Variants in SCN9A observed in about 807,000 individuals in gnomAD.
SCN9A encodes sodium channel protein type 9 subunit alpha.
A neutral mutation model predicts 187.0 loss-of-function variants in SCN9A; 131 were observed. The ratio of observed to expected loss-of-function variants is 0.70; its 90% CI spans 0.61 to 0.81. The LOEUF (loss-of-function observed/expected upper bound fraction) is 0.81. SCN9A is among the 30% of genes least tolerant of loss of function. The pLI is 0.00. For synonymous variants in SCN9A, 809 were observed against 808.6 expected (o/e 1.00, Z -0.01); for missense variants, 2,252 against 2,396.6 (o/e 0.94, Z 1.26).
At chr2:166,368,971 G>A (rs1700486543) in intron 1 of SCN9A, among the ~76,000 whole-genome samples, 1 of 149,786 alleles carries the variant, frequency 6.7e-6, no homozygotes, top group Non-Finnish European at 1.5e-5. Context: ...TGGGCAACAA[G>A]AGTGAAACTC....
intron 24 of SCN9A, among the ~76,000 whole-genome samples, chr2:166,222,930 CAAAAAAAAAAACAACAAAAAAAAAAAA>C (rs1694660661): frequency 5.1e-5 from 1 of 19,538 alleles, no homozygotes; most frequent in African/African-American, 2.7e-4. Flanking sequence ...AACTCCGTCT[CAAAAAAAAAAACAACAAAAAAAAAAAA>C]AAAAAAAAAA....
chr2:166,302,939 A>G (rs906383849), intron 7 of SCN9A, 151 bp downstream of exon 7: 16 of 634,782 alleles, frequency 2.5e-5, no homozygotes, highest in African/African-American at 1.7e-4. Context: ...TGAAAATCAT[A>G]TATAACATGA....
chr2:166,253,940 G>A (rs1002561740), intron 17 of SCN9A, among the ~76,000 whole-genome samples: 1 of 151,720 alleles, frequency 6.6e-6, no homozygotes, highest in African/African-American at 2.4e-5. Flanking sequence ...GCAGAATTCT[G>A]ACTTTAGCTA....
At position 166,343,192 on chromosome 2, in the gene SCN9A, A is replaced by T. The variant is rs557732835; in HGVS notation, c.-50-31386T>A. On this transcript the variant is annotated intron_variant, in intron 1 of 26. Coordinates refer to ENST00000642356, the MANE Select transcript of SCN9A (RefSeq NM_001365536.1). ...ATACTTTGCTTGTTTTATAGGAAAAAAATTATAGATTTGTGATAACCTATT... is the reference window on the plus strand; with the variant it reads ...ATACTTTGCTTGTTTTATAGGAAAATAATTATAGATTTGTGATAACCTATT... Among the ~76,000 whole-genome samples the T allele has an allele frequency of 4.6e-5, 7 of 152,278 alleles. No homozygotes were observed. The South Asian group carries it at 1.5e-3, about 32-fold the overall frequency.
intron 12 of SCN9A, among the ~76,000 whole-genome samples, chr2:166,283,064 C>T (rs1028174773): frequency 1.3e-5 from 2 of 151,984 alleles, no homozygotes; most frequent in African/African-American, 4.8e-5. Flanking sequence ...GTAGTTTTCA[C>T]TTTAGGATTT....
chr2:166,327,621 T>C (rs1178054964), intron 1 of SCN9A, among the ~76,000 whole-genome samples: 1 of 152,172 alleles, frequency 6.6e-6, no homozygotes, highest in Non-Finnish European at 1.5e-5. Context: ...ATCTATACAC[T>C]TAAGTAGAGT....
Position 166,258,449 on chromosome 2 carries a change from CTT to C in SCN9A, c.3352-6566_3352-6565del, listed in dbSNP as rs554310455. Among the ~76,000 whole-genome samples, 531 of 151,578 alleles carry C rather than the reference CTT, an allele frequency of 3.5e-3. 8 individuals are homozygous for C. The South Asian group carries it at 0.036, about 10-fold the overall frequency. ...GGAATAAAATTAAACATTTTGAACA[CTT>C]ATCACTTATTCATTCATAGGCAAGG... On this transcript the variant is annotated intron_variant, in intron 17 of 26. Coordinates refer to ENST00000642356, the MANE Select transcript of SCN9A (RefSeq NM_001365536.1).
intron 17 of SCN9A, among the ~76,000 whole-genome samples, chr2:166,263,894 G>A (rs1696620102): frequency 6.6e-6 from 1 of 151,968 alleles, no homozygotes; most frequent in African/African-American, 2.4e-5. Flanking sequence ...AGCAAGGCAG[G>A]ATACTTACTA....
intron 24 of SCN9A, among the ~76,000 whole-genome samples, chr2:166,221,370 C>T (rs1375006370): frequency 6.6e-6 from 1 of 152,066 alleles, no homozygotes; most frequent in Admixed American, 6.6e-5. Flanking sequence ...GAAAAAAGAA[C>T]AAAATGGAAG....
chr2:166,206,202 G>T (rs979253299), intron 24 of SCN9A, among the ~76,000 whole-genome samples: 20 of 152,016 alleles, frequency 1.3e-4, no homozygotes, highest in Middle Eastern at 3.2e-3. Context: ...CTACTATAAA[G>T]ACACATGCAT....
At position 166,349,821 on chromosome 2, in the gene SCN9A, A is replaced by C. The variant is rs561799159; in HGVS notation, c.-51+25876T>G. On this transcript the variant is annotated intron_variant, in intron 1 of 26. Coordinates refer to ENST00000642356, the MANE Select transcript of SCN9A (RefSeq NM_001365536.1). ...AACCCTGTCTCTACTAAAAATACAA[A>C]ATTAGCCAGGCGTGGTGGGGCATGC... 2.0e-4 allele frequency among the ~76,000 whole-genome samples: 31 copies of C among 151,958 alleles called. No homozygotes were observed. In the South Asian group the frequency reaches 3.1e-3, roughly 15 times the overall value.
At chr2:166,312,625 C>A (rs915586323) in intron 1 of SCN9A, among the ~76,000 whole-genome samples, 27 of 152,058 alleles carry the variant, frequency 1.8e-4, no homozygotes, top group Admixed American at 6.6e-5. Flanking sequence ...CTATCTATGG[C>A]AGCTATAGTC....
chr2:166,358,104 T>C (rs957285382), intron 1 of SCN9A, among the ~76,000 whole-genome samples: 2 of 151,704 alleles, frequency 1.3e-5, no homozygotes, highest in Admixed American at 1.3e-4. Flanking sequence ...AGTCGCTCTC[T>C]CATTGCCCAG....
chr2:166,361,577 C>T (rs368949323), intron 1 of SCN9A, among the ~76,000 whole-genome samples: 5 of 152,032 alleles, frequency 3.3e-5, no homozygotes, highest in African/African-American at 1.2e-4. Flanking sequence ...TGTGGATACA[C>T]TGAACACACC....
chr2:166,228,679 T>C lies in SCN9A; in HGVS notation c.4206+12A>G, dbSNP rs2106387191. Reference sequence around the variant, plus strand: ...ATTAAAATACCAAGCACTCATGAAATGGGACACTTACAACTTGAAGCAGAG... The same window carrying C: ...ATTAAAATACCAAGCACTCATGAAACGGGACACTTACAACTTGAAGCAGAG... On this transcript the variant is annotated intron_variant, in intron 22 of 26. Coordinates refer to ENST00000642356, the MANE Select transcript of SCN9A (RefSeq NM_001365536.1). 1 of 1,600,458 alleles carries C rather than the reference T, an allele frequency of 6.2e-7. No homozygotes were observed.
intron 10 of SCN9A, among the ~76,000 whole-genome samples, chr2:166,287,115 C>T (rs1003425612): frequency 6.6e-6 from 1 of 152,082 alleles, no homozygotes; most frequent in African/African-American, 2.4e-5. Flanking sequence ...CTAAATGAAA[C>T]TTCTGGGAAT....
At chr2:166,200,189 G>T (rs1234053039) in intron 26 of SCN9A, among the ~76,000 whole-genome samples, 1 of 149,300 alleles carries the variant, frequency 6.7e-6, no homozygotes, top group Non-Finnish European at 1.5e-5. Context: ...AGTAGAGACG[G>T]GGTTTCACCT....
intron 19 of SCN9A, among the ~76,000 whole-genome samples, chr2:166,241,598 C>T (rs1011626129): frequency 2.0e-5 from 3 of 152,086 alleles, no homozygotes; most frequent in Non-Finnish European, 4.4e-5. Context: ...TACTTGTTCC[C>T]CTCAGCCTGC....
intron 17 of SCN9A, among the ~76,000 whole-genome samples, chr2:166,271,674 G>C (rs924749337): frequency 2.0e-5 from 3 of 152,026 alleles, no homozygotes; most frequent in African/African-American, 4.8e-5. Flanking sequence ...GGGAAACATA[G>C]TGAAACCTTG....
Sources: gnomAD v4.1 joint callset for allele counts (sites outside exome capture counted in the v4.1 genomes callset) on GRCh38, gnomAD v4.1.1 for gene constraint, MANE v1.5 for transcripts, NCBI Gene and HGNC (gene_info 2026-07-23, HGNC 2026-07-21) for gene names.